SAMSN1: variants seen among roughly 807,000 people sequenced by gnomAD.
SAMSN1 encodes the protein SAM domain-containing protein SAMSN-1.
SAMSN1 carries 31 observed loss-of-function variants against 42.0 expected under a neutral mutation model. The ratio of observed to expected loss-of-function variants is 0.74; its 90% CI spans 0.55 to 1.00. SAMSN1 has a LOEUF of 1.00. Among genes scored for constraint, SAMSN1 ranks in the 50% least tolerant of loss-of-function variants. The probability of loss-of-function intolerance (pLI) is 0.00; values close to 1 mark genes in which losing one functional copy is unlikely to be tolerated. For missense variants in SAMSN1, 464 were observed against 439.4 expected (o/e 1.06, Z -0.50); for synonymous variants, 178 against 151.9 (o/e 1.17, Z -1.26).
At chr21:14,625,823 C>A (rs1377845278) in intron 2 of SAMSN1, among the ~76,000 whole-genome samples, 1 of 152,188 alleles carries the variant, frequency 6.6e-6, no homozygotes, top group African/African-American at 2.4e-5. Flanking sequence ...ATTGCCAGGA[C>A]AATCCTAAGC....
At chr21:14,621,505 C>A (rs1020256021) in intron 2 of SAMSN1, among the ~76,000 whole-genome samples, 36 of 152,344 alleles carry the variant, frequency 2.4e-4, no homozygotes, top group African/African-American at 8.7e-4. Context: ...ATATCCCACA[C>A]CTGGCTCAGA....
chr21:14,592,640 C>A (rs1293686858), intron 7 of SAMSN1: 1 of 381,694 alleles, frequency 2.6e-6, no homozygotes. Flanking sequence ...ATTCTTGAGC[C>A]TTAGAAAAAT....
intron 2 of SAMSN1, among the ~76,000 whole-genome samples, chr21:14,567,172 G>C (rs1016745477): frequency 4.0e-5 from 6 of 151,874 alleles, no homozygotes; most frequent in Admixed American, 3.9e-4. Flanking sequence ...ATCTGTACCA[G>C]GGCGGTGTTG....
intron 3 of SAMSN1, 108 bp from the exon 4 acceptor site, chr21:14,512,681 G>C: frequency 1.0e-6 from 1 of 990,562 alleles, no homozygotes; most frequent in Non-Finnish European, 1.5e-6. Context: ...AATACTTAAG[G>C]ATACATAAGG....
At chr21:14,624,785 G>C (rs549658161) in intron 2 of SAMSN1, among the ~76,000 whole-genome samples, 6 of 152,272 alleles carry the variant, frequency 3.9e-5, no homozygotes, top group South Asian at 4.1e-4. Context: ...TATGAGGCCA[G>C]CATCATCCTG....
rs777342785 is a variant in SAMSN1 at position 14,607,552 on chromosome 21, C to A, written c.322+1930G>T. ...GTTCTTGGACACACACATGCACACG[C>A]ACTCGCTGAACATGCATGGTCACTC... On this transcript the variant is annotated intron_variant, in intron 5 of 15. Coordinates refer to the SAMSN1 transcript ENST00000647101. Among the ~76,000 whole-genome samples the A allele has an allele frequency of 4.6e-5, 7 of 152,318 alleles. No individual in the cohort carries two copies. In the South Asian group the frequency reaches 1.0e-3, roughly 23 times the overall value.
chr21:14,491,073 T>C (rs1180502999), intron 7 of SAMSN1, among the ~76,000 whole-genome samples: 6 of 152,228 alleles, frequency 3.9e-5, no homozygotes, highest in Admixed American at 3.3e-4. Context: ...CAAATAACGT[T>C]TAAAACTGTC....
chr21:14,605,602 A>C (rs1345999487), intron 5 of SAMSN1, among the ~76,000 whole-genome samples: 1 of 152,174 alleles, frequency 6.6e-6, no homozygotes, highest in Non-Finnish European at 1.5e-5. Context: ...AATTAATAAG[A>C]TCTTGAAAAA....
At chr21:14,524,470 T>G (rs1043310051) in intron 1 of SAMSN1, among the ~76,000 whole-genome samples, 4 of 152,206 alleles carry the variant, frequency 2.6e-5, no homozygotes, top group Non-Finnish European at 5.9e-5. Context: ...GTCTTTATAC[T>G]CTACACGAAT....
At chr21:14,587,261 T>C (rs1981946398), upstream of SAMSN1, among the ~76,000 whole-genome samples, 3 of 152,212 alleles carry the variant, frequency 2.0e-5, no homozygotes, top group Admixed American at 2.0e-4. Flanking sequence ...TATGCTTCCT[T>C]TAATTCTATT....
chr21:14,654,738 C>T (rs1983889884), intron 1 of SAMSN1, among the ~76,000 whole-genome samples: 1 of 151,928 alleles, frequency 6.6e-6, no homozygotes, highest in African/African-American at 2.4e-5. Flanking sequence ...CATATATCTG[C>T]TTGGAATAAG....
At chr21:14,559,683 T>A (rs188173985) in intron 2 of SAMSN1, among the ~76,000 whole-genome samples, 54 of 152,132 alleles carry the variant, frequency 3.5e-4, no homozygotes, top group African/African-American at 1.3e-3. Context: ...TTTTTTCTTT[T>A]CTGCAGAGAC....
chr21:14,530,016 A>C (rs912363967), intron 1 of SAMSN1, among the ~76,000 whole-genome samples: 1 of 152,184 alleles, frequency 6.6e-6, no homozygotes, highest in Non-Finnish European at 1.5e-5. Flanking sequence ...GAGGCTCTTT[A>C]GAAATAATCA....
upstream of SAMSN1, among the ~76,000 whole-genome samples, chr21:14,546,876 A>AT (rs1259438224): frequency 1.3e-5 from 2 of 151,776 alleles, no homozygotes; most frequent in Non-Finnish European, 2.9e-5. Flanking sequence ...TGCCTGGCTA[A>AT]TTTTTTGTAT....
At position 14,512,419 on chromosome 21, in the gene SAMSN1, CT is replaced by C. The variant is rs1482440332; in HGVS notation, c.409+24del. ...TTAACCCAGACCTCACACCCAGGAT[CT>C]TGTCCCTGATTCATTAGCCTTACTT... is the stretch of plus-strand genomic sequence containing the variant. On this transcript the variant is annotated intron_variant, in intron 4 of 7. Coordinates refer to ENST00000400566, the MANE Select transcript of SAMSN1 (RefSeq NM_022136.5). The C allele has an allele frequency of 8.1e-6, 13 of 1,611,766 alleles. No homozygotes were observed. The East Asian group carries it at 2.9e-4, about 36-fold the overall frequency.
intron 1 of SAMSN1, among the ~76,000 whole-genome samples, chr21:14,526,817 G>T (rs1456596323): frequency 6.6e-6 from 1 of 152,118 alleles, no homozygotes; most frequent in African/African-American, 2.4e-5. Flanking sequence ...CTAGAATACT[G>T]ACCAGCCTGC....
At chr21:14,658,204 G>A (rs1983946279) in intron 1 of SAMSN1, among the ~76,000 whole-genome samples, 2 of 151,766 alleles carry the variant, frequency 1.3e-5, no homozygotes, top group Non-Finnish European at 2.9e-5. Flanking sequence ...ATGTGAAAAC[G>A]AATTTGAGAG....
intron 1 of SAMSN1, among the ~76,000 whole-genome samples, chr21:14,539,241 G>A (rs1356891615): frequency 6.6e-6 from 1 of 152,164 alleles, no homozygotes; most frequent in African/African-American, 2.4e-5. Flanking sequence ...ATAAGACAGG[G>A]ATGCCCTCTC....
At chr21:14,572,453 T>C (rs1981330097) in intron 2 of SAMSN1, among the ~76,000 whole-genome samples, 1 of 152,158 alleles carries the variant, frequency 6.6e-6, no homozygotes, top group Non-Finnish European at 1.5e-5. Flanking sequence ...CATGGTTATT[T>C]ATAGATCTAC....
Sources: gnomAD v4.1 joint callset for allele counts (sites outside exome capture counted in the v4.1 genomes callset) on GRCh38, gnomAD v4.1.1 for gene constraint, MANE v1.5 for transcripts, NCBI Gene and HGNC (gene_info 2026-07-23, HGNC 2026-07-21) for gene names.